EEFSEC: variants seen among roughly 807,000 people sequenced by gnomAD.
EEFSEC encodes the protein eukaryotic elongation factor, selenocysteine-tRNA specific, also known as selenocysteine-specific elongation factor.
Under a neutral mutation model 42.1 loss-of-function variants are expected in EEFSEC, and 43 were observed. The ratio of observed to expected loss-of-function variants is 1.02; its 90% CI spans 0.80 to 1.32. EEFSEC has a LOEUF of 1.32. Ranked by LOEUF, EEFSEC falls within the 40% of genes most tolerant of loss-of-function variation. EEFSEC has a pLI of 0.00. For missense variants in EEFSEC, 745 were observed against 803.6 expected (o/e 0.93, Z 0.88); for synonymous variants, 354 against 339.1 (o/e 1.04, Z -0.48).
chr3:128,395,621 T>G (rs2067972125), intron 6 of EEFSEC, among the ~76,000 whole-genome samples: 1 of 152,122 alleles, frequency 6.6e-6, no homozygotes, highest in Non-Finnish European at 1.5e-5. Flanking sequence ...CCCAGCAGAG[T>G]GGGACTCCTG....
rs1393491657 is a variant in EEFSEC, at chr3:128,279,836, A to G, written c.786+15055A>G. On this transcript the variant is annotated intron_variant, in intron 4 of 6. Transcript: ENST00000254730. ...ATTCCTATGCCAGCCTTCTCTGCCTATTCAACATGCAGTTGCCCAAGGGAA... is the reference window on the plus strand; with the variant it reads ...ATTCCTATGCCAGCCTTCTCTGCCTGTTCAACATGCAGTTGCCCAAGGGAA... Among the ~76,000 whole-genome samples the G allele has an allele frequency of 2.0e-5, 3 of 152,214 alleles. No individual in the cohort carries two copies. In the East Asian group the frequency reaches 5.8e-4, roughly 29 times the overall value.
At position 128,365,313 on chromosome 3, in the gene EEFSEC, C is replaced by T. The variant is rs553330760; in HGVS notation, c.1600+6940C>T. Among the ~76,000 whole-genome samples, 8 of 152,222 alleles carry T rather than the reference C, an allele frequency of 5.3e-5. No individual in the cohort carries two copies. In the East Asian group the frequency reaches 9.7e-4, roughly 18 times the overall value. ...ACCACTCTCTGGTTTAGGAGAGGGA[C>T]GGGTCAGACGAGGCCAAGGTTGCAG... is the stretch of plus-strand genomic sequence containing the variant. On this transcript the variant is annotated intron_variant, in intron 6 of 6. Transcript: ENST00000254730.
the EEFSEC span, among the ~76,000 whole-genome samples, chr3:128,422,322 G>A: frequency 3.3e-5 from 5 of 152,216 alleles, no homozygotes; most frequent in African/African-American, 1.2e-4. Flanking sequence ...ATGGAGCCTC[G>A]GATTCTCTGA....
chr3:128,248,795 T>G (rs1356981342), intron 2 of EEFSEC, among the ~76,000 whole-genome samples: 4 of 152,192 alleles, frequency 2.6e-5, no homozygotes, highest in African/African-American at 9.7e-5. Context: ...ATAGTAATAG[T>G]TTTGATTAAA....
intron 4 of EEFSEC, among the ~76,000 whole-genome samples, chr3:128,313,304 G>C (rs1163858824): frequency 6.6e-6 from 1 of 152,208 alleles, no homozygotes; most frequent in Admixed American, 6.5e-5. Flanking sequence ...CCAAGGACAG[G>C]GCAAAATGGA....
chr3:128,425,425 T>G, the EEFSEC span, among the ~76,000 whole-genome samples: 1 of 152,062 alleles, frequency 6.6e-6, no homozygotes, highest in African/African-American at 2.4e-5. Context: ...TCGGGCTGCT[T>G]CCAGTTTGGG....
chr3:128,290,868 C>T (rs1189872419), intron 4 of EEFSEC, among the ~76,000 whole-genome samples: 1 of 152,090 alleles, frequency 6.6e-6, no homozygotes, highest in Non-Finnish European at 1.5e-5. Context: ...GCCTCAGCCT[C>T]CCAAGAAGCG....
Position 128,244,498 on chromosome 3 carries a change from G to A in EEFSEC, c.317-2338G>A, listed in dbSNP as rs1158434869. Among the ~76,000 whole-genome samples the A allele has an allele frequency of 1.1e-4, 16 of 151,118 alleles. No individual in the cohort carries two copies. The East Asian group carries it at 3.1e-3, about 29-fold the overall frequency. On this transcript the variant is annotated intron_variant, in intron 1 of 6. Transcript: ENST00000254730. ...TTTTTTTTTTTTTTTCCAGTGGACAGTGGGGCTCTTAGCATGAGAAGGGCA... is the reference window on the plus strand; with the variant it reads ...TTTTTTTTTTTTTTTCCAGTGGACAATGGGGCTCTTAGCATGAGAAGGGCA...
chr3:128,331,583 A>G (rs1163409166), intron 4 of EEFSEC, among the ~76,000 whole-genome samples: 1 of 150,388 alleles, frequency 6.6e-6, no homozygotes, highest in Non-Finnish European at 1.5e-5. Context: ...CTTCCTAAAG[A>G]GTTGTGTGTG....
At chr3:128,351,361 TC>T (rs2067382863) in intron 5 of EEFSEC, among the ~76,000 whole-genome samples, 1 of 152,202 alleles carries the variant, frequency 6.6e-6, no homozygotes, top group African/African-American at 2.4e-5. Context: ...GGTGTTATCA[TC>T]AACATCAACA....
intron 4 of EEFSEC, among the ~76,000 whole-genome samples, chr3:128,285,376 A>G (rs185742469): frequency 1.3e-5 from 2 of 152,266 alleles, no homozygotes; most frequent in South Asian, 2.1e-4. Flanking sequence ...GGGTGCTCAC[A>G]CTGTGGGGCT....
At chr3:128,216,003 G>A (rs548759698) in intron 1 of EEFSEC, among the ~76,000 whole-genome samples, 1 of 152,248 alleles carries the variant, frequency 6.6e-6, no homozygotes, top group African/African-American at 2.4e-5. Context: ...CGATCCTAAA[G>A]GGAAAGAGAC....
At chr3:128,416,403 G>C in the EEFSEC span, among the ~76,000 whole-genome samples, 1 of 152,082 alleles carries the variant, frequency 6.6e-6, no homozygotes, top group Non-Finnish European at 1.5e-5. Flanking sequence ...AGCTCCACAC[G>C]CAGTCTCCTC....
At chr3:128,262,298 CCCCTG>C in intron 3 of EEFSEC, 74 bp downstream of exon 3, 10 of 1,357,428 alleles carry the variant, frequency 7.4e-6, no homozygotes, top group Non-Finnish European at 1.0e-5. Context: ...GTCCCTCTCT[CCCCTG>C]AGAGAGAAAG....
At chr3:128,346,128 G>C (rs1175141925) in intron 5 of EEFSEC, among the ~76,000 whole-genome samples, 2 of 152,214 alleles carry the variant, frequency 1.3e-5, no homozygotes, top group East Asian at 3.8e-4. Flanking sequence ...CTGGAAGCTG[G>C]TCAGGTACCC....
chr3:128,355,079 C>T (rs1272415449), intron 5 of EEFSEC, among the ~76,000 whole-genome samples: 1 of 152,224 alleles, frequency 6.6e-6, no homozygotes, highest in African/African-American at 2.4e-5. Flanking sequence ...CCGGCGTCTT[C>T]CCCTTGATGC....
chr3:128,420,402 G>A, the EEFSEC span, among the ~76,000 whole-genome samples: 1 of 152,220 alleles, frequency 6.6e-6, no homozygotes, highest in Non-Finnish European at 1.5e-5. Context: ...CTGGCAGGTG[G>A]GCTGGGGGCG....
chr3:128,411,496 C>A (rs771020148), downstream of EEFSEC, among the ~76,000 whole-genome samples: 1 of 152,088 alleles, frequency 6.6e-6, no homozygotes, highest in African/African-American at 2.4e-5. Flanking sequence ...GTGCTTCAGG[C>A]GTGTCCTTGG....
At chr3:128,297,938 G>A (rs1471393519) in intron 4 of EEFSEC, among the ~76,000 whole-genome samples, 2 of 152,206 alleles carry the variant, frequency 1.3e-5, no homozygotes, top group African/African-American at 4.8e-5. Flanking sequence ...ACACATTGCT[G>A]CAGTCCAGGA....
Sources: gnomAD v4.1 joint callset for allele counts (sites outside exome capture counted in the v4.1 genomes callset) on GRCh38, gnomAD v4.1.1 for gene constraint, MANE v1.5 for transcripts, NCBI Gene and HGNC (gene_info 2026-07-23, HGNC 2026-07-21) for gene names.